CPNE4: variants seen among roughly 807,000 people sequenced by gnomAD.
The protein encoded by CPNE4 is copine-4.
Under a neutral mutation model 67.9 loss-of-function variants are expected in CPNE4, and 25 were observed. That is an observed-to-expected ratio of 0.37 (90% CI 0.27 to 0.51). The LOEUF (loss-of-function observed/expected upper bound fraction) is 0.51, where lower values mean the gene tolerates loss of function less well. Ranked by LOEUF, CPNE4 falls within the 20% of genes least tolerant of loss-of-function variation. The probability of loss-of-function intolerance (pLI) is 0.93; values close to 1 mark genes in which losing one functional copy is unlikely to be tolerated. For missense variants in CPNE4, 464 were observed against 690.8 expected (o/e 0.67, Z 3.68); for synonymous variants, 242 against 244.9 (o/e 0.99, Z 0.11).
rs2074315694 is a variant in CPNE4 at position 132,034,985 on chromosome 3, C to T, written c.-420G>A. On this transcript the variant is annotated 5_prime_UTR_variant, in exon 1 of 16. Transcript: ENST00000429747. The stretch of plus-strand genomic sequence containing the variant: ...CGAGCGGGTGGCGGGGAGATGGCAG[C>T]TTCTCACAGAGAGATTTCCACCTTC... The T allele has an allele frequency of 1.0e-6, 1 of 985,268 alleles. No individual in the cohort carries two copies. Among genetic ancestry groups the T allele is most frequent in the African/African-American group, 1.8e-5 (1 of 56,998 alleles). 61.0% of individuals were successfully genotyped at this position (985,268 alleles called of 1,614,324 possible). A position where few individuals can be genotyped will look rare whatever the true frequency, so the allele number is the denominator to read the frequency against.
At chr3:131,963,739 G>A (rs533866895) in intron 1 of CPNE4, among the ~76,000 whole-genome samples, 1 of 152,170 alleles carries the variant, frequency 6.6e-6, no homozygotes, top group African/African-American at 2.4e-5. Flanking sequence ...CTCCAGTCAC[G>A]GGCTTATAGA....
chr3:131,789,590 T>C (rs567906941), intron 2 of CPNE4, among the ~76,000 whole-genome samples: 53 of 152,166 alleles, frequency 3.5e-4, no homozygotes, highest in Non-Finnish European at 6.8e-4. Flanking sequence ...AGTGAGCATG[T>C]AAAGCAATAC....
chr3:131,731,429 T>G (rs961473837), intron 2 of CPNE4, among the ~76,000 whole-genome samples: 1 of 152,168 alleles, frequency 6.6e-6, no homozygotes, highest in East Asian at 1.9e-4. Context: ...TTCAAGCTGC[T>G]GGCTCCATCC....
chr3:131,808,624 A>G (rs561458153), intron 2 of CPNE4, among the ~76,000 whole-genome samples: 6 of 152,328 alleles, frequency 3.9e-5, no homozygotes, highest in Non-Finnish European at 8.8e-5. Flanking sequence ...AAATAAGCTC[A>G]TTATACAATC....
chr3:131,965,274 C>T (rs183833935), intron 1 of CPNE4, among the ~76,000 whole-genome samples: 18 of 152,258 alleles, frequency 1.2e-4, no homozygotes, highest in African/African-American at 4.1e-4. Context: ...AAAAGCATTC[C>T]AAAATATAAA....
chr3:131,872,195 TAGAG>T (rs201339189), intron 2 of CPNE4, among the ~76,000 whole-genome samples: 8 of 150,470 alleles, frequency 5.3e-5, no homozygotes, highest in South Asian at 2.1e-4. Context: ...TGTGTGTGTG[TAGAG>T]AGAGAGAGAG....
At chr3:131,965,472 G>A (rs530795772) in intron 1 of CPNE4, among the ~76,000 whole-genome samples, 13 of 152,146 alleles carry the variant, frequency 8.5e-5, no homozygotes, top group Non-Finnish European at 1.6e-4. Context: ...GCTGTATTCA[G>A]GAGACCCATC....
rs578205873 is a variant in CPNE4 at position 131,878,518 on chromosome 3, G to A, written c.180+26746C>T. Among the ~76,000 whole-genome samples, 11 of 152,308 alleles carry A rather than the reference G, an allele frequency of 7.2e-5. 1 individual carries two copies. In the South Asian group the frequency reaches 2.3e-3, roughly 32 times the overall value. Reference sequence around the variant, plus strand: ...AAAGAGGAATTTTGGAAGCGCTGTTGATGTTCTGTTTCTTAATCTGGATGC... The same window carrying A: ...AAAGAGGAATTTTGGAAGCGCTGTTAATGTTCTGTTTCTTAATCTGGATGC... On this transcript the variant is annotated intron_variant, in intron 2 of 15. Coordinates refer to ENST00000429747, the MANE Select transcript of CPNE4 (RefSeq NM_130808.3).
chr3:131,721,139 C>T (rs1583079067), intron 3 of CPNE4, among the ~76,000 whole-genome samples: 1 of 152,218 alleles, frequency 6.6e-6, no homozygotes, highest in South Asian at 2.1e-4. Context: ...TATTTTCATT[C>T]CATCTTTATC....
At chr3:131,649,284 G>A (rs1480920875) in intron 7 of CPNE4, among the ~76,000 whole-genome samples, 1 of 152,146 alleles carries the variant, frequency 6.6e-6, no homozygotes, top group East Asian at 1.9e-4. Context: ...GATTCTTCTC[G>A]TGTGTAAGTA....
intron 2 of CPNE4, among the ~76,000 whole-genome samples, chr3:131,839,603 A>G (rs2085695572): frequency 6.6e-6 from 1 of 152,076 alleles, no homozygotes; most frequent in South Asian, 2.1e-4. Flanking sequence ...ATTTATACAT[A>G]TATAGTACAA....
chr3:131,942,647 A>G (rs370361587), intron 1 of CPNE4, among the ~76,000 whole-genome samples: 1 of 151,974 alleles, frequency 6.6e-6, no homozygotes, highest in East Asian at 1.9e-4. Flanking sequence ...CTGGCCACCA[A>G]TCTCCACCCC....
intron 7 of CPNE4, among the ~76,000 whole-genome samples, chr3:131,599,359 TGTC>T (rs1939076873): frequency 6.6e-6 from 1 of 152,198 alleles, no homozygotes; most frequent in Admixed American, 6.5e-5. Context: ...TTAATTTTAT[TGTC>T]TTTTTCTCAC....
intron 2 of CPNE4, among the ~76,000 whole-genome samples, chr3:131,784,051 T>C (rs2083491806): frequency 6.6e-6 from 1 of 152,018 alleles, no homozygotes; most frequent in African/African-American, 2.4e-5. Flanking sequence ...AGTTTTAAGG[T>C]TTTTAACTCT....
chr3:131,850,523 G>A (rs1416529012), intron 2 of CPNE4, among the ~76,000 whole-genome samples: 1 of 152,080 alleles, frequency 6.6e-6, no homozygotes, highest in Non-Finnish European at 1.5e-5. Flanking sequence ...CTCAATAAAT[G>A]CTTCTTTTCA....
In CPNE4 at chr3:131,715,886, G is replaced by A. The variant is rs560736449; in HGVS notation, c.360+7560C>T. On this transcript the variant is annotated intron_variant, in intron 3 of 15. Transcript: ENST00000429747. ...TTGGATGTAGCAGAAGAGGGGCTTAGCTCCTTGATTTCTTTTGGGCAACAG... is the reference window on the plus strand; with the variant it reads ...TTGGATGTAGCAGAAGAGGGGCTTAACTCCTTGATTTCTTTTGGGCAACAG... Among the ~76,000 whole-genome samples the A allele has an allele frequency of 2.5e-4, 38 of 152,272 alleles. No individual in the cohort carries two copies. The South Asian group carries it at 7.9e-3, about 32-fold the overall frequency.
At chr3:131,857,576 C>G (rs762899527) in intron 2 of CPNE4, among the ~76,000 whole-genome samples, 1 of 152,060 alleles carries the variant, frequency 6.6e-6, no homozygotes, top group East Asian at 1.9e-4. Flanking sequence ...GAGAAAAGAT[C>G]TGGGTTCTGG....
At chr3:131,580,162 A>G (rs919064034) in intron 9 of CPNE4, among the ~76,000 whole-genome samples, 21 of 152,166 alleles carry the variant, frequency 1.4e-4, no homozygotes, top group African/African-American at 4.6e-4. Context: ...CACCAGCAAA[A>G]AGATTATGAC....
intron 1 of CPNE4, among the ~76,000 whole-genome samples, chr3:132,022,581 T>A (rs992422475): frequency 9.9e-5 from 15 of 151,308 alleles, no homozygotes; most frequent in East Asian, 5.8e-4. Flanking sequence ...AAAAAAATAA[T>A]AATAATAATA....
Sources: gnomAD v4.1 joint callset for allele counts (sites outside exome capture counted in the v4.1 genomes callset) on GRCh38, gnomAD v4.1.1 for gene constraint, MANE v1.5 for transcripts, NCBI Gene and HGNC (gene_info 2026-07-23, HGNC 2026-07-21) for gene names.